The following SYNPO2 variants were observed in gnomAD, a reference collection of about 807,000 sequenced individuals.
The protein encoded by SYNPO2 is synaptopodin-2.
Under a neutral mutation model 85.0 loss-of-function variants are expected in SYNPO2, and 56 were observed. The ratio of observed to expected loss-of-function variants is 0.66; its 90% CI spans 0.53 to 0.82. SYNPO2 has a LOEUF of 0.82. SYNPO2 is among the 40% of genes least tolerant of loss of function. SYNPO2 has a pLI of 0.00. For synonymous variants in SYNPO2, 602 were observed against 591.1 expected, an observed-to-expected ratio of 1.02 and a Z score of -0.27; for missense variants, 1,575 against 1,534.2, an observed-to-expected ratio of 1.03 and a Z score of -0.44.
intron 1 of SYNPO2, among the ~76,000 whole-genome samples, chr4:118,992,848 C>A (rs556509497): frequency 6.6e-6 from 1 of 152,306 alleles, no homozygotes; most frequent in African/African-American, 2.4e-5. Context: ...TAAGCGCCCA[C>A]CAATTTTGGG....
At chr4:119,052,968 T>G (rs1240564031) in intron 4 of SYNPO2, among the ~76,000 whole-genome samples, 1 of 152,198 alleles carries the variant, frequency 6.6e-6, no homozygotes, top group East Asian at 1.9e-4. Flanking sequence ...AGTGCTCTCA[T>G]ATAAAAATAT....
rs763066106 is a variant in SYNPO2, at chr4:118,975,477, A to G, written c.106-47953A>G. ...ACCATTATGAGGAACTTAAGGATAC[A>G]CACAGACAGGACTTGGGATATCTAC... On this transcript the variant is annotated intron_variant, in intron 1 of 4. Transcript: ENST00000307142. 3.5e-4 allele frequency among the ~76,000 whole-genome samples: 53 copies of G among 152,224 alleles called. 1 individual carries two copies. Among genetic ancestry groups the G allele is most frequent in the Non-Finnish European group, 1.0e-4 (7 of 68,044 alleles).
At position 118,934,887 on chromosome 4, in the gene SYNPO2, T is replaced by G. The variant is rs573217315; in HGVS notation, c.105+45746T>G. Among the ~76,000 whole-genome samples, 6 of 152,344 alleles carry G rather than the reference T, an allele frequency of 3.9e-5. No individual in the cohort carries two copies. The South Asian group carries it at 1.2e-3, about 32-fold the overall frequency. On this transcript the variant is annotated intron_variant, in intron 1 of 4. Transcript: ENST00000307142. Reference sequence around the variant, plus strand: ...TGTCTTATATTGAACATAAATTTGCTTCCCATTGTCCTTTATTCATCGGTG... The same window carrying G: ...TGTCTTATATTGAACATAAATTTGCGTCCCATTGTCCTTTATTCATCGGTG...
chr4:118,989,031 A>T (rs1251357712), intron 1 of SYNPO2, among the ~76,000 whole-genome samples: 1 of 152,188 alleles, frequency 6.6e-6, no homozygotes, highest in Non-Finnish European at 1.5e-5. Context: ...CACACATAAA[A>T]CAAGAGTCAT....
intron 1 of SYNPO2, among the ~76,000 whole-genome samples, chr4:118,991,283 G>A (rs771268061): frequency 9.2e-5 from 14 of 152,042 alleles, no homozygotes; most frequent in Non-Finnish European, 1.9e-4. Context: ...GAGTAGCTGC[G>A]ATTACAGGCA....
chr4:118,937,454 A>G (rs145026511), intron 1 of SYNPO2, among the ~76,000 whole-genome samples: 1 of 152,274 alleles, frequency 6.6e-6, no homozygotes, highest in East Asian at 1.9e-4. Flanking sequence ...CCCATGTTAT[A>G]TTCTCCAAAA....
rs572002046 is a variant in SYNPO2 at position 118,943,940 on chromosome 4, T to C, written c.105+54799T>C. 2.0e-5 allele frequency among the ~76,000 whole-genome samples: 3 copies of C among 152,292 alleles called. 1 individual carries two copies. In the Middle Eastern group the frequency reaches 0.01, roughly 518 times the overall value. On this transcript the variant is annotated intron_variant, in intron 1 of 4. Coordinates refer to ENST00000307142, the MANE Select transcript of SYNPO2 (RefSeq NM_133477.3). ...TACTTGACAGTTATGTTGCTTTCAG[T>C]GCTACATACCTACGTGGAAGTAACG...
intron 1 of SYNPO2, among the ~76,000 whole-genome samples, chr4:118,953,011 G>A (rs1734749539): frequency 6.6e-6 from 1 of 152,044 alleles, no homozygotes; most frequent in African/African-American, 2.4e-5. Context: ...CTTTAAATAT[G>A]TCTTTCTGCC....
chr4:119,060,203 T>C lies in SYNPO2; in HGVS notation c.*2269T>C, dbSNP rs1396041784. On this transcript the variant is annotated 3_prime_UTR_variant, in exon 5 of 5. Coordinates refer to ENST00000307142, the MANE Select transcript of SYNPO2 (RefSeq NM_133477.3). Reference sequence around the variant, plus strand: ...ATAGAGAGGAGACTTTAAACTTACATGTTAGCATAAAACAGACTTCTCTCT... The same window carrying C: ...ATAGAGAGGAGACTTTAAACTTACACGTTAGCATAAAACAGACTTCTCTCT... 6.6e-6 allele frequency: 1 copy of C among 152,174 alleles called. No homozygotes were observed. The highest frequency in any genetic ancestry group is 2.4e-5 in the African/African-American group (1 of 41,442). 9.4% of individuals were successfully genotyped at this position (152,174 alleles called of 1,614,324 possible).
chr4:118,903,782 G>A (rs1732836590), intron 1 of SYNPO2, among the ~76,000 whole-genome samples: 3 of 151,866 alleles, frequency 2.0e-5, no homozygotes, highest in Non-Finnish European at 4.4e-5. Context: ...CGTGATCTCG[G>A]CTCACTGCAA....
At chr4:119,034,725 G>A in intron 4 of SYNPO2, 1 of 985,502 alleles carries the variant, frequency 1.0e-6, no homozygotes, top group Non-Finnish European at 1.2e-6. Flanking sequence ...CCAGCTCCCT[G>A]GAGTAAGAGG....
At chr4:118,892,767 T>A (rs1441813070) in intron 1 of SYNPO2, among the ~76,000 whole-genome samples, 2 of 152,198 alleles carry the variant, frequency 1.3e-5, no homozygotes, top group Admixed American at 6.5e-5. Context: ...TAGTATGTGT[T>A]CTACTGAATT....
chr4:119,028,805 A>T (rs17329882), intron 3 of SYNPO2, among the ~76,000 whole-genome samples: 4 of 151,876 alleles, frequency 2.6e-5, no homozygotes, highest in East Asian at 1.9e-4. Context: ...AACTGTTTTG[A>T]GGAATTAAAA....
chr4:118,999,170 CAG>C (rs1736731723), intron 1 of SYNPO2, among the ~76,000 whole-genome samples: 1 of 152,154 alleles, frequency 6.6e-6, no homozygotes, highest in African/African-American at 2.4e-5. Context: ...TTTTTCGAGA[CAG>C]GGTCTCACTC....
intron 1 of SYNPO2, among the ~76,000 whole-genome samples, chr4:118,868,177 A>G (rs2110570124): frequency 1.3e-5 from 2 of 152,188 alleles, no homozygotes; most frequent in African/African-American, 4.8e-5. Flanking sequence ...CTCTTGTAAA[A>G]CATTTTATTT....
chr4:118,978,319 A>G (rs1053042086), intron 1 of SYNPO2, among the ~76,000 whole-genome samples: 2 of 152,114 alleles, frequency 1.3e-5, no homozygotes, highest in Admixed American at 1.3e-4. Flanking sequence ...TTGTCATTTT[A>G]TTTACTTTTT....
chr4:118,907,091 G>A (rs1549534), intron 1 of SYNPO2, among the ~76,000 whole-genome samples: 129,600 of 152,052 alleles, frequency 0.85, 55,356 homozygotes, highest in Middle Eastern at 0.94. Flanking sequence ...CTGGATTACA[G>A]GTGTGAGACA....
At chr4:118,937,211 A>G (rs1658752065) in intron 1 of SYNPO2, among the ~76,000 whole-genome samples, 1 of 152,196 alleles carries the variant, frequency 6.6e-6, no homozygotes, top group South Asian at 2.1e-4. Flanking sequence ...CCCCGCCTAC[A>G]TGTCCAAGTA....
intron 1 of SYNPO2, among the ~76,000 whole-genome samples, chr4:118,898,378 C>G (rs866393861): frequency 1.2e-4 from 19 of 152,086 alleles, no homozygotes; most frequent in African/African-American, 4.6e-4. Context: ...CTCCTTGTTT[C>G]TGGTTTCACA....
Sources: allele counts gnomAD v4.1 joint callset (sites outside exome capture counted in the v4.1 genomes callset), GRCh38; gene constraint gnomAD v4.1.1; transcripts MANE v1.5; gene names NCBI Gene and HGNC (gene_info 2026-07-23, HGNC 2026-07-21).